MKLN1: variants seen among roughly 807,000 people sequenced by gnomAD.
The protein encoded by MKLN1 is muskelin.
Under a neutral mutation model 99.0 loss-of-function variants are expected in MKLN1, and 18 were observed. That is an observed-to-expected ratio of 0.18 (90% confidence interval 0.13 to 0.27). The LOEUF (loss-of-function observed/expected upper bound fraction) is 0.27, where lower values mean the gene tolerates loss of function less well. Ranked by LOEUF, MKLN1 falls within the 10% of genes least tolerant of loss-of-function variation. The probability of loss-of-function intolerance (pLI) is 1.00; values close to 1 mark genes in which losing one functional copy is unlikely to be tolerated. For synonymous variants in MKLN1, 288 were observed against 293.2 expected, an observed-to-expected ratio of 0.98 and a Z score of 0.18; for missense variants, 621 against 875.9, an observed-to-expected ratio of 0.71 and a Z score of 3.67.
intron 16 of MKLN1, 137 bp from the exon 17 acceptor site, chr7:131,478,485 GT>G: frequency 1.4e-6 from 1 of 727,096 alleles, no homozygotes; most frequent in Non-Finnish European, 2.0e-6. Context: ...CCACTATTTG[GT>G]GAATAGACCT....
chr7:131,420,254 T>C (rs1795151583), intron 8 of MKLN1, among the ~76,000 whole-genome samples: 1 of 149,948 alleles, frequency 6.7e-6, no homozygotes, highest in African/African-American at 2.5e-5. Context: ...AGAGTAGCTA[T>C]TAGTGAGTAT....
chr7:131,155,716 C>G (rs572988014), intron 2 of MKLN1, among the ~76,000 whole-genome samples: 1 of 152,232 alleles, frequency 6.6e-6, no homozygotes, highest in East Asian at 1.9e-4. Context: ...TCTGGCCTAA[C>G]CCCTTCATTT....
Position 131,492,129 on chromosome 7 carries a change from C to T in MKLN1, c.*4401C>T, listed in dbSNP as rs776540654. On this transcript the variant is annotated 3_prime_UTR_variant, in exon 18 of 18. Coordinates refer to ENST00000352689, the MANE Select transcript of MKLN1 (RefSeq NM_013255.5). ...TTTTTCTGGCATTAGGATCTCTTGTCATAGAACTATTGGTAAAGTACAGGT... is the reference window on the plus strand; with the variant it reads ...TTTTTCTGGCATTAGGATCTCTTGTTATAGAACTATTGGTAAAGTACAGGT... The T allele has an allele frequency of 6.6e-6, 1 of 152,142 alleles. No individual in the cohort carries two copies. The highest frequency in any genetic ancestry group is 1.5e-5 in the Non-Finnish European group (1 of 68,022). The allele number at this position is 152,142 out of a possible 1,614,324, so 9.4% of individuals were successfully genotyped here. A position where few individuals can be genotyped will look rare whatever the true frequency, so the allele number is the denominator to read the frequency against.
chr7:131,195,465 C>T (rs957840925), intron 2 of MKLN1, among the ~76,000 whole-genome samples: 3 of 151,040 alleles, frequency 2.0e-5, no homozygotes, highest in African/African-American at 4.9e-5. Context: ...GAGCCAAGAT[C>T]GTGCCACTGC....
At position 131,133,594 on chromosome 7, in the gene MKLN1, C is replaced by T. The variant is rs541688127; in HGVS notation, c.-418-9226C>T. Among the ~76,000 whole-genome samples, 618 of 150,814 alleles carry T rather than the reference C, an allele frequency of 4.1e-3. 4 individuals are homozygous for T. The highest frequency in any genetic ancestry group is 0.014 in the African/African-American group (572 of 41,318). On this transcript the variant is annotated intron_variant, in intron 1 of 7. Coordinates refer to the MKLN1 transcript ENST00000416992. ...GTCTCAATCTCCTGACCTCGTGATC[C>T]GCCCGCCTCGGCCTCCCAAAGTGCT...
At chr7:131,218,273 A>G (rs1797013378) in intron 3 of MKLN1, among the ~76,000 whole-genome samples, 1 of 152,252 alleles carries the variant, frequency 6.6e-6, no homozygotes, top group African/African-American at 2.4e-5. Flanking sequence ...CATTCGCTAC[A>G]TGACTCCTGA....
chr7:131,353,918 A>AC (rs1799796399), intron 1 of MKLN1, among the ~76,000 whole-genome samples: 1 of 151,034 alleles, frequency 6.6e-6, no homozygotes, highest in South Asian at 2.1e-4. Context: ...AAAAAAAAAA[A>AC]AAAAAACCAG....
At chr7:131,118,474 AC>A (rs1437064649) in intron 1 of MKLN1, among the ~76,000 whole-genome samples, 3 of 151,902 alleles carry the variant, frequency 2.0e-5, no homozygotes, top group Non-Finnish European at 4.4e-5. Flanking sequence ...AATCGCTTGA[AC>A]CTGGGAGGCG....
chr7:131,344,994 C>T (rs1025926026), intron 1 of MKLN1, among the ~76,000 whole-genome samples: 22 of 152,026 alleles, frequency 1.4e-4, no homozygotes, highest in Admixed American at 5.2e-4. Context: ...TTAGTAAAGA[C>T]GGGGTTTCAC....
rs1484008883 is a variant in MKLN1, at chr7:131,189,540, A to C, written c.-296-13317A>C. On this transcript the variant is annotated intron_variant, in intron 2 of 7. Transcript: ENST00000416992. ...TTTTTATATTAAAAAACAAACAAAA[A>C]AAAAAACACAAAACTCCCAAACCAC... Among the ~76,000 whole-genome samples the C allele has an allele frequency of 1.5e-4, 19 of 130,646 alleles. 1 individual carries two copies. In the South Asian group the frequency reaches 1.9e-3, roughly 13 times the overall value. The allele number at this position is 130,646 out of a possible 152,430, so 85.7% of individuals were successfully genotyped here.
chr7:131,153,033 A>AT (rs1220395745), intron 2 of MKLN1, among the ~76,000 whole-genome samples: 2,026 of 138,238 alleles, frequency 0.015, 42 homozygotes, highest in African/African-American at 0.037. Context: ...ATATATATAT[A>AT]TTTTTTTTTT....
chr7:131,323,606 T>C (rs1584601719), upstream of MKLN1: 1 of 152,180 alleles, frequency 6.6e-6, no homozygotes, highest in Non-Finnish European at 1.5e-5. Flanking sequence ...ATAAATCATA[T>C]ATGTAGTTCC....
intron 1 of MKLN1, among the ~76,000 whole-genome samples, chr7:131,356,562 C>A (rs1215209283): frequency 6.6e-6 from 1 of 152,146 alleles, no homozygotes; most frequent in Admixed American, 6.6e-5. Flanking sequence ...CTCTTGCTAG[C>A]TGTCATTGCT....
At chr7:131,219,868 C>CT (rs1170324133) in intron 3 of MKLN1, among the ~76,000 whole-genome samples, 1 of 152,136 alleles carries the variant, frequency 6.6e-6, no homozygotes, top group African/African-American at 2.4e-5. Flanking sequence ...CAGCTTTTTA[C>CT]TTTTTTCCTT....
intron 2 of MKLN1, among the ~76,000 whole-genome samples, chr7:131,179,391 A>G (rs1421254206): frequency 1.3e-5 from 2 of 152,286 alleles, no homozygotes; most frequent in Non-Finnish European, 2.9e-5. Flanking sequence ...CTAAAATTCT[A>G]AAGTCCACAT....
At chr7:131,305,012 C>T (rs1457998303) in intron 3 of MKLN1, among the ~76,000 whole-genome samples, 21 of 152,242 alleles carry the variant, frequency 1.4e-4, no homozygotes, top group Middle Eastern at 3.4e-3. Flanking sequence ...CACAGCCATC[C>T]GTCCCCTCTG....
chr7:131,226,501 T>G (rs1232951320), intron 3 of MKLN1, among the ~76,000 whole-genome samples: 1 of 152,208 alleles, frequency 6.6e-6, no homozygotes, highest in African/African-American at 2.4e-5. Context: ...CAGGATCCAG[T>G]TCCCATCCTA....
At chr7:131,132,935 AAAAAAAAAAAAAAAAGAAAG>A (rs1795576148) in intron 1 of MKLN1, among the ~76,000 whole-genome samples, 1 of 100,078 alleles carries the variant, frequency 1.0e-5, no homozygotes, top group Non-Finnish European at 2.0e-5. Flanking sequence ...CAAAAAAAAA[AAAAAAAAAAAAAAAAGAAAG>A]AAAGAAAGAA....
intron 1 of MKLN1, among the ~76,000 whole-genome samples, chr7:131,370,880 G>C (rs1584662655): frequency 6.6e-6 from 1 of 152,160 alleles, no homozygotes; most frequent in Non-Finnish European, 1.5e-5. Flanking sequence ...CCTGGCCTCT[G>C]TAACCTGGTG....
Sources: gnomAD v4.1 joint callset for allele counts (sites outside exome capture counted in the v4.1 genomes callset) on GRCh38, gnomAD v4.1.1 for gene constraint, MANE v1.5 for transcripts, NCBI Gene and HGNC (gene_info 2026-07-23, HGNC 2026-07-21) for gene names.